PCDHA2: variants seen among roughly 807,000 people sequenced by gnomAD.
PCDHA2 encodes protocadherin alpha 2.
Under a neutral mutation model 66.0 loss-of-function variants are expected in PCDHA2, and 58 were observed. The ratio of observed to expected loss-of-function variants is 0.88; its 90% CI spans 0.71 to 1.09. The LOEUF (loss-of-function observed/expected upper bound fraction) is 1.09. Ranked by LOEUF, PCDHA2 falls within the 50% of genes least tolerant of loss-of-function variation. The pLI is 0.00. For missense variants in PCDHA2, 1,267 were observed against 1,242.3 expected (o/e 1.02, Z -0.30); for synonymous variants, 634 against 554.0 (o/e 1.14, Z -2.03).
chr5:140,984,138 G>A (rs1476039645), intron 3 of PCDHA2, among the ~76,000 whole-genome samples: 1 of 152,194 alleles, frequency 6.6e-6, no homozygotes, highest in East Asian at 1.9e-4. Flanking sequence ...GGATGTGGAG[G>A]CATCTGGGAA....
At chr5:140,936,604 G>A (rs1186463181) in intron 1 of PCDHA2, among the ~76,000 whole-genome samples, 4 of 152,116 alleles carry the variant, frequency 2.6e-5, no homozygotes, top group South Asian at 2.1e-4. Context: ...TACTTTCCTC[G>A]CTGCTACTGT....
In PCDHA2 at chr5:140,982,645, G is replaced by A. The variant is rs2096993238; in HGVS notation, c.2536+82G>A. 3.3e-6 allele frequency: 5 copies of A among 1,522,444 alleles called. No homozygotes were observed. In the East Asian group the frequency reaches 1.2e-4, roughly 36 times the overall value. 94.3% of individuals were successfully genotyped at this position (1,522,444 alleles called of 1,614,324 possible). A position where few individuals can be genotyped will look rare whatever the true frequency, so the allele number is the denominator to read the frequency against. On this transcript the variant is annotated intron_variant, in intron 3 of 3. Transcript: ENST00000526136. ...CTACTTTTGTAAGATCAGGAATGTT[G>A]ATGGCTCTTTTTCTTTTATATTTTT...
intron 1 of PCDHA2, chr5:140,858,100 C>A (rs368579908): frequency 1.9e-6 from 3 of 1,597,702 alleles, no homozygotes; most frequent in South Asian, 1.1e-5. Context: ...CTTCAGTGGG[C>A]GTGGCGCCCG....
intron 1 of PCDHA2, among the ~76,000 whole-genome samples, chr5:140,974,318 A>G (rs2096622244): frequency 6.6e-6 from 1 of 152,206 alleles, no homozygotes; most frequent in Admixed American, 6.5e-5. Context: ...GTGAGAGAGT[A>G]GCTGCTGTGC....
chr5:140,837,564 A>G, intron 1 of PCDHA2, among the ~76,000 whole-genome samples: 1 of 152,062 alleles, frequency 6.6e-6, no homozygotes, highest in South Asian at 2.1e-4. Context: ...ATATAAATAT[A>G]TTTACAATCA....
At position 140,856,085 on chromosome 5, in the gene PCDHA2, C is replaced by T. The variant is rs2043764270; in HGVS notation, c.2388+58733C>T. 5.0e-6 allele frequency: 8 copies of T among 1,596,290 alleles called. No homozygotes were observed. In the East Asian group the frequency reaches 1.8e-4, roughly 36 times the overall value. On this transcript the variant is annotated intron_variant, in intron 1 of 3. Transcript: ENST00000526136. ...ATGTAGCTGCCTGGGGGTCCAGTGT[C>T]TGCTGCTCTCGCTTCTTCTCCTCGC...
At chr5:140,869,497 G>T (rs2051177889) in intron 1 of PCDHA2, 2 of 1,614,084 alleles carry the variant, frequency 1.2e-6, no homozygotes. Flanking sequence ...CAACCCGCCG[G>T]TGTTCTCGCT....
At position 140,876,690 on chromosome 5, in the gene PCDHA2, G is replaced by A. The variant is rs73793508; in HGVS notation, c.2388+79338G>A. The A allele has an allele frequency of 1.7e-3, 2,720 of 1,614,174 alleles. 43 individuals are homozygous for A. The African/African-American group carries it at 0.033, about 20-fold the overall frequency. ...TGTCCACCTACAAGAATTACTACTC[G>A]TTGGTGCTGGACAGCGCCCTGGACC... On this transcript the variant is annotated intron_variant, in intron 1 of 3. Transcript: ENST00000526136.
At chr5:140,911,030 C>A (rs995736934) in intron 1 of PCDHA2, among the ~76,000 whole-genome samples, 1 of 152,066 alleles carries the variant, frequency 6.6e-6, no homozygotes, top group East Asian at 1.9e-4. Context: ...AGTTATAGGT[C>A]TAGAAGCAAA....
intron 1 of PCDHA2, among the ~76,000 whole-genome samples, chr5:140,906,125 T>G (rs1168148239): frequency 6.6e-6 from 1 of 152,028 alleles, no homozygotes; most frequent in Non-Finnish European, 1.5e-5. Flanking sequence ...GACACAAATG[T>G]TAGTCTCCTT....
Position 141,009,922 on chromosome 5 carries a change from C to G in PCDHA2, c.2832C>G (p.Asp944Glu), listed in dbSNP as rs1554262572. 6.2e-7 allele frequency: 1 copy of G among 1,608,774 alleles called. No individual in the cohort carries two copies. Among genetic ancestry groups the G allele is most frequent in the South Asian group, 1.1e-5 (1 of 90,050 alleles). The change falls in exon 4 of 4, where the codon GAC becomes GAG. Residue 944 changes from aspartate to glutamate, a missense_variant. Coordinates refer to ENST00000526136, the MANE Select transcript of PCDHA2 (RefSeq NM_018905.3). ...AAGAGAAAGGGAACAGCACGACTGACAACAGTGACCAGTGAGGTCCTCAAA... is the reference window on the plus strand; with the variant it reads ...AAGAGAAAGGGAACAGCACGACTGAGAACAGTGACCAGTGAGGTCCTCAAA... ...EKKEKGNSTT[D>E]NSDQ
intron 1 of PCDHA2, chr5:140,813,143 CTGTT>C (rs1198590971): frequency 6.6e-6 from 1 of 152,150 alleles, no homozygotes; most frequent in East Asian, 1.9e-4. Flanking sequence ...CTGTATATGT[CTGTT>C]AGTTCCATTT....
At chr5:140,875,339 T>C in intron 1 of PCDHA2, 2 of 1,441,270 alleles carry the variant, frequency 1.4e-6, no homozygotes, top group Non-Finnish European at 1.8e-6. Flanking sequence ...TAGGATCGAC[T>C]CCATAATGAC....
chr5:140,851,081 A>G, intron 1 of PCDHA2: 1 of 1,303,802 alleles, frequency 7.7e-7, no homozygotes, highest in Non-Finnish European at 1.0e-6. Flanking sequence ...TATAAACTGT[A>G]TATTAAATAG....
chr5:140,830,449 G>A (rs138463634), intron 1 of PCDHA2: 9 of 1,596,848 alleles, frequency 5.6e-6, no homozygotes, highest in East Asian at 4.5e-5. Context: ...TGGGTAAGGC[G>A]GAGAATCAGG....
At chr5:140,953,118 A>G (rs2094850559) in intron 1 of PCDHA2, among the ~76,000 whole-genome samples, 1 of 152,162 alleles carries the variant, frequency 6.6e-6, no homozygotes, top group Non-Finnish European at 1.5e-5. Context: ...AGGGACACAG[A>G]TCTAAACCGT....
At chr5:140,990,893 T>C (rs1554251806) in intron 3 of PCDHA2, among the ~76,000 whole-genome samples, 1 of 152,178 alleles carries the variant, frequency 6.6e-6, no homozygotes, top group East Asian at 1.9e-4. Context: ...GAGTGGGTCG[T>C]TGCTGGGTCA....
intron 1 of PCDHA2, chr5:140,808,973 G>T: frequency 6.2e-7 from 1 of 1,613,674 alleles, no homozygotes; most frequent in Non-Finnish European, 8.5e-7. Flanking sequence ...AAAGGTGCGC[G>T]CGGTGGATGC....
intron 1 of PCDHA2, among the ~76,000 whole-genome samples, chr5:140,844,013 C>A (rs1015377164): frequency 2.0e-5 from 3 of 149,622 alleles, no homozygotes; most frequent in Non-Finnish European, 3.0e-5. Flanking sequence ...ACTCTAAGGA[C>A]GTTCAGGGCA....
Sources: allele counts gnomAD v4.1 joint callset (sites outside exome capture counted in the v4.1 genomes callset), GRCh38; gene constraint gnomAD v4.1.1; transcripts MANE v1.5; gene names NCBI Gene and HGNC (gene_info 2026-07-23, HGNC 2026-07-21).